Variants in FARS2 observed in about 807,000 individuals in gnomAD.
FARS2 encodes the protein phenylalanyl-tRNA synthetase 2, mitochondrial, also known as phenylalanine--tRNA ligase, mitochondrial.
Under a neutral mutation model 46.4 loss-of-function variants are expected in FARS2, and 40 were observed. That is an observed-to-expected ratio of 0.86 (90% CI 0.67 to 1.12). The LOEUF (loss-of-function observed/expected upper bound fraction) is 1.12. Among genes scored for constraint, FARS2 ranks in the 50% most tolerant of loss-of-function variants. The pLI, the probability that FARS2 is intolerant of heterozygous loss-of-function variation, is 0.00. For synonymous variants in FARS2, 234 were observed against 214.9 expected, an observed-to-expected ratio of 1.09 and a Z score of -0.78; for missense variants, 513 against 567.9, an observed-to-expected ratio of 0.90 and a Z score of 0.98.
chr6:5,507,326 T>C lies in FARS2; in HGVS notation c.905-37854T>C, dbSNP rs147590310. 9.5e-4 allele frequency among the ~76,000 whole-genome samples: 144 copies of C among 152,278 alleles called. 3 individuals carry two copies. The highest frequency in any genetic ancestry group is 3.4e-3 in the Middle Eastern group (1 of 294). ...TTAAAATGTTACATGCACAACCCAT[T>C]TGGGGTTTGAGGTATTCTCTTCTAC... On this transcript the variant is annotated intron_variant, in intron 4 of 6. Coordinates refer to ENST00000274680, the MANE Select transcript of FARS2 (RefSeq NM_006567.5).
rs370534238 is a variant in FARS2 at position 5,392,771 on chromosome 6, T to C, written c.613-11771T>C. 5.7e-3 allele frequency among the ~76,000 whole-genome samples: 787 copies of C among 136,930 alleles called. 4 individuals carry two copies. The highest frequency in any genetic ancestry group is 7.2e-3 in the Non-Finnish European group (444 of 61,884). The allele number at this position is 136,930 out of a possible 152,430, so 89.8% of individuals were successfully genotyped here. ...ACACACACACACACACACACACACA[T>C]GTATATATATGTGTGTATATATACA... On this transcript the variant is annotated intron_variant, in intron 2 of 6. Transcript: ENST00000274680.
chr6:5,439,614 T>C (rs1763729820), intron 4 of FARS2, among the ~76,000 whole-genome samples: 1 of 152,180 alleles, frequency 6.6e-6, no homozygotes, highest in African/African-American at 2.4e-5. Context: ...CATGCCCCCA[T>C]AGTGGACCTG....
chr6:5,660,899 C>T (rs892506834), intron 6 of FARS2, among the ~76,000 whole-genome samples: 2 of 152,182 alleles, frequency 1.3e-5, no homozygotes, highest in Non-Finnish European at 2.9e-5. Context: ...AGGGATCTCT[C>T]ACTTTACCAA....
At chr6:5,272,056 G>A (rs760952570) in intron 1 of FARS2, among the ~76,000 whole-genome samples, 3 of 152,088 alleles carry the variant, frequency 2.0e-5, no homozygotes, top group Non-Finnish European at 2.9e-5. Flanking sequence ...TTTTAAATGG[G>A]TGTGTTCTGA....
intron 4 of FARS2, among the ~76,000 whole-genome samples, chr6:5,539,794 T>C (rs1770502534): frequency 6.6e-6 from 1 of 152,160 alleles, no homozygotes; most frequent in African/African-American, 2.4e-5. Context: ...TGCGAAAAAC[T>C]GAATTCTCAT....
chr6:5,642,657 T>G (rs1345633705), intron 6 of FARS2, among the ~76,000 whole-genome samples: 3 of 152,208 alleles, frequency 2.0e-5, no homozygotes, highest in Admixed American at 2.0e-4. Context: ...CCTGTGCTTT[T>G]CACCTCAGCT....
intron 5 of FARS2, among the ~76,000 whole-genome samples, chr6:5,581,431 A>G (rs985596228): frequency 6.6e-6 from 1 of 152,240 alleles, no homozygotes; most frequent in Non-Finnish European, 1.5e-5. Flanking sequence ...TCATATGTCT[A>G]GCCGGCTAGT....
chr6:5,315,130 G>A (rs1769355139), intron 1 of FARS2, among the ~76,000 whole-genome samples: 1 of 152,182 alleles, frequency 6.6e-6, no homozygotes, highest in African/African-American at 2.4e-5. Flanking sequence ...AAGTGACTTG[G>A]ATTTTAGGAA....
chr6:5,532,774 T>TAAG lies in FARS2; in HGVS notation c.905-12404_905-12403insGAA, dbSNP rs1391729088. On this transcript the variant is annotated intron_variant, in intron 4 of 6. Transcript: ENST00000274680. Reference sequence around the variant, plus strand: ...TCAAAAGTAGTAGTAGTAATAATAATAATAATAATAAGAAGAAGAAGAAGA... The same window carrying TAAG: ...TCAAAAGTAGTAGTAGTAATAATAATAAGAATAATAATAAGAAGAAGAAGAAGA... 7.1e-5 allele frequency among the ~76,000 whole-genome samples: 10 copies of TAAG among 141,484 alleles called. No homozygotes were observed. The South Asian group carries it at 1.5e-3, about 22-fold the overall frequency. 92.8% of individuals were successfully genotyped at this position (141,484 alleles called of 152,430 possible).
rs965154956 is a variant in FARS2, at chr6:5,366,617, ACGAGGCTGGGG to A, written c.-21-1931_-21-1921del. Among the ~76,000 whole-genome samples, 588 of 152,270 alleles carry A rather than the reference ACGAGGCTGGGG, an allele frequency of 3.9e-3. 4 individuals are homozygous for A. The highest frequency in any genetic ancestry group is 0.013 in the African/African-American group (561 of 41,556). On this transcript the variant is annotated intron_variant, in intron 1 of 6. Coordinates refer to ENST00000274680, the MANE Select transcript of FARS2 (RefSeq NM_006567.5). ...TGCGTGAGGAGAGCAAGGAAGGGAC[ACGAGGCTGGGG>A]CACATCCCTGGGAATGGAACCCAAG...
At chr6:5,380,421 A>C (rs1226186578) in intron 2 of FARS2, among the ~76,000 whole-genome samples, 1 of 152,238 alleles carries the variant, frequency 6.6e-6, no homozygotes, top group Admixed American at 6.5e-5. Flanking sequence ...ATATTTTCAC[A>C]GAGAAATTAT....
intron 6 of FARS2, among the ~76,000 whole-genome samples, chr6:5,676,036 T>TA (rs938811874): frequency 1.3e-5 from 2 of 152,120 alleles, no homozygotes. Flanking sequence ...TAAATTAAAA[T>TA]AAAGATAACT....
intron 6 of FARS2, among the ~76,000 whole-genome samples, chr6:5,720,562 G>A (rs1759823559): frequency 6.6e-6 from 1 of 152,196 alleles, no homozygotes; most frequent in Non-Finnish European, 1.5e-5. Context: ...AGGCTCTAGA[G>A]CAGCATTCTC....
chr6:5,380,743 G>A (rs534022790), intron 2 of FARS2, among the ~76,000 whole-genome samples: 6 of 152,216 alleles, frequency 3.9e-5, no homozygotes, highest in South Asian at 2.1e-4. Context: ...TCTTCGCTCC[G>A]AGGCTTCGTC....
chr6:5,288,048 CCCT>C (rs1415045416), intron 1 of FARS2, among the ~76,000 whole-genome samples: 1 of 152,178 alleles, frequency 6.6e-6, no homozygotes, highest in Non-Finnish European at 1.5e-5. Context: ...GTTCCCAGAG[CCCT>C]CCTCATATTT....
chr6:5,320,145 C>T (rs1467149618), intron 1 of FARS2, among the ~76,000 whole-genome samples: 1 of 152,172 alleles, frequency 6.6e-6, no homozygotes, highest in Non-Finnish European at 1.5e-5. Flanking sequence ...CCATGGGTTT[C>T]CAGAAGGTTT....
intron 6 of FARS2, among the ~76,000 whole-genome samples, chr6:5,731,741 T>C (rs1358265856): frequency 6.6e-6 from 1 of 152,164 alleles, no homozygotes; most frequent in Non-Finnish European, 1.5e-5. Flanking sequence ...TCTCTGTCTG[T>C]CTTCTCCAAC....
chr6:5,592,835 C>T (rs899113881), intron 5 of FARS2, among the ~76,000 whole-genome samples: 4 of 152,162 alleles, frequency 2.6e-5, no homozygotes, highest in South Asian at 2.1e-4. Context: ...AGGCCCAGAG[C>T]GAGAAAAGCC....
chr6:5,604,853 C>T (rs1477619693), intron 5 of FARS2, among the ~76,000 whole-genome samples: 2 of 152,172 alleles, frequency 1.3e-5, no homozygotes, highest in Non-Finnish European at 2.9e-5. Context: ...GAGTCTGGGT[C>T]ATAGACCAGA....
Sources: allele counts gnomAD v4.1 joint callset (sites outside exome capture counted in the v4.1 genomes callset), GRCh38; gene constraint gnomAD v4.1.1; transcripts MANE v1.5; gene names NCBI Gene and HGNC (gene_info 2026-07-23, HGNC 2026-07-21).